Variants in DPYD observed in about 807,000 individuals in gnomAD.
DPYD encodes dihydropyrimidine dehydrogenase, also known as dihydropyrimidine dehydrogenase [NADP(+)].
Under a neutral mutation model 116.2 loss-of-function variants are expected in DPYD, and 109 were observed. That is an observed-to-expected ratio of 0.94 (90% CI 0.80 to 1.10). DPYD has a LOEUF of 1.10. DPYD is among the 50% of genes least tolerant of loss of function. DPYD has a pLI of 0.00. For synonymous variants in DPYD, 440 were observed against 432.0 expected, an observed-to-expected ratio of 1.02 and a Z score of -0.23; for missense variants, 1,302 against 1,254.5, an observed-to-expected ratio of 1.04 and a Z score of -0.57.
intron 13 of DPYD, among the ~76,000 whole-genome samples, chr1:97,468,340 A>T (rs1417510122): frequency 2.0e-5 from 3 of 152,188 alleles, no homozygotes; most frequent in Admixed American, 2.0e-4. Flanking sequence ...TCAATGTGAT[A>T]GTTTTAGAAG....
intron 16 of DPYD, among the ~76,000 whole-genome samples, chr1:97,328,030 C>T (rs965502784): frequency 6.6e-6 from 1 of 152,086 alleles, no homozygotes; most frequent in African/African-American, 2.4e-5. Flanking sequence ...ACAAGGGCAA[C>T]TGATGAAGGA....
chr1:97,455,316 T>A (rs1676621906), intron 13 of DPYD, among the ~76,000 whole-genome samples: 1 of 151,978 alleles, frequency 6.6e-6, no homozygotes, highest in Non-Finnish European at 1.5e-5. Context: ...ATCAGTTTAC[T>A]TGAAAACCTG....
chr1:97,757,782 C>G (rs1230969927), intron 3 of DPYD, among the ~76,000 whole-genome samples: 1 of 152,136 alleles, frequency 6.6e-6, no homozygotes, highest in African/African-American at 2.4e-5. Flanking sequence ...ACACATCTTA[C>G]ATACATCAGC....
chr1:97,695,019 T>C (rs886611355), intron 6 of DPYD, among the ~76,000 whole-genome samples: 5 of 152,194 alleles, frequency 3.3e-5, no homozygotes, highest in Non-Finnish European at 7.3e-5. Flanking sequence ...ATAGAGGCCA[T>C]CAGCAACTGC....
At chr1:97,665,025 A>G (rs921876834) in intron 8 of DPYD, among the ~76,000 whole-genome samples, 2 of 152,296 alleles carry the variant, frequency 1.3e-5, no homozygotes. Flanking sequence ...ACTAGAGATT[A>G]ATACTCTGTC....
intron 13 of DPYD, among the ~76,000 whole-genome samples, chr1:97,454,701 AT>A (rs1431591637): frequency 1.3e-5 from 2 of 151,900 alleles, no homozygotes; most frequent in African/African-American, 4.8e-5. Flanking sequence ...AGAGATTTAA[AT>A]GGTAAGCGGA....
At chr1:97,546,886 G>T in intron 12 of DPYD, 1 of 1,609,536 alleles carries the variant, frequency 6.2e-7, no homozygotes. Flanking sequence ...AATAGAGGGG[G>T]ATGAAGACCA....
At chr1:97,316,354 C>CA (rs763119579) in intron 16 of DPYD, among the ~76,000 whole-genome samples, 3 of 142,110 alleles carry the variant, frequency 2.1e-5, no homozygotes, top group Non-Finnish European at 4.7e-5. Flanking sequence ...AAAAAAAAAA[C>CA]AAAAAAACAA....
chr1:97,811,440 C>T (rs1668346292), intron 3 of DPYD, among the ~76,000 whole-genome samples: 2 of 152,002 alleles, frequency 1.3e-5, no homozygotes, highest in Admixed American at 6.6e-5. Context: ...CCTTCAATGG[C>T]CTTACACTAT....
At chr1:97,689,266 A>T (rs1660888871) in intron 7 of DPYD, among the ~76,000 whole-genome samples, 1 of 152,166 alleles carries the variant, frequency 6.6e-6, no homozygotes, top group African/African-American at 2.4e-5. Flanking sequence ...AGCTAAAAAA[A>T]GATAGTTGGG....
At chr1:97,839,565 A>G (rs1335415836) in intron 2 of DPYD, among the ~76,000 whole-genome samples, 1 of 152,146 alleles carries the variant, frequency 6.6e-6, no homozygotes, top group Non-Finnish European at 1.5e-5. Context: ...ATGACTATAA[A>G]ATTCCAAAAA....
intron 4 of DPYD, among the ~76,000 whole-genome samples, chr1:97,736,418 C>T (rs1030067232): frequency 5.3e-5 from 8 of 151,620 alleles, no homozygotes; most frequent in African/African-American, 1.7e-4. Context: ...AAAAAAAACC[C>T]TTTCTGAATA....
intron 4 of DPYD, among the ~76,000 whole-genome samples, chr1:97,739,339 C>T (rs1664138158): frequency 2.0e-5 from 3 of 152,022 alleles, no homozygotes; most frequent in Admixed American, 2.0e-4. Context: ...TGCTACCTTT[C>T]CTTCATAAGT....
At chr1:97,504,848 C>T (rs1376798161) in intron 13 of DPYD, among the ~76,000 whole-genome samples, 1 of 144,382 alleles carries the variant, frequency 6.9e-6, no homozygotes, top group Non-Finnish European at 1.5e-5. Context: ...GCCTGGTGGT[C>T]ACGAGATCTG....
Position 97,193,116 on chromosome 1 carries a change from G to T in DPYD, c.2575C>A (p.His859Asn). ...WDGQSPATVS[H>N]QKGKPVPRIA... ...CGTGGAACTGGTTTCCCTTTCTGGT[G>T]ACTCACAGTAGCTGGACTCTGTCCA... The change falls in exon 20 of 23, where the codon CAC becomes AAC. Residue 859 changes from histidine (H) to asparagine (N), a missense_variant. Transcript: ENST00000370192. 1 of 1,614,068 alleles carries T rather than the reference G, an allele frequency of 6.2e-7. No homozygotes were observed. Among genetic ancestry groups the T allele is most frequent in the South Asian group, 1.1e-5 (1 of 91,086 alleles).
chr1:97,513,045 T>C (rs1234372424), intron 13 of DPYD, among the ~76,000 whole-genome samples: 1 of 151,798 alleles, frequency 6.6e-6, no homozygotes, highest in Non-Finnish European at 1.5e-5. Flanking sequence ...AGCTTTTATA[T>C]AGACTGCACA....
intron 19 of DPYD, among the ~76,000 whole-genome samples, chr1:97,227,711 T>A (rs1227167395): frequency 1.3e-5 from 2 of 150,008 alleles, no homozygotes; most frequent in East Asian, 3.9e-4. Context: ...ATAAATAAAT[T>A]TCAGTGCATT....
chr1:97,864,227 C>G (rs1671259350), intron 2 of DPYD, among the ~76,000 whole-genome samples: 1 of 151,722 alleles, frequency 6.6e-6, no homozygotes, highest in South Asian at 2.1e-4. Context: ...AAGCCCTCAA[C>G]AGAGATTGAT....
chr1:97,906,441 C>T (rs1673624800), intron 1 of DPYD, among the ~76,000 whole-genome samples: 1 of 152,010 alleles, frequency 6.6e-6, no homozygotes, highest in African/African-American at 2.4e-5. Context: ...ATCAAAAGCA[C>T]ATTTAGAGGA....
Sources: gnomAD v4.1 joint callset for allele counts (sites outside exome capture counted in the v4.1 genomes callset) on GRCh38, gnomAD v4.1.1 for gene constraint, MANE v1.5 for transcripts, NCBI Gene and HGNC (gene_info 2026-07-23, HGNC 2026-07-21) for gene names.